The following UTS2B variants were observed in gnomAD, a reference collection of about 807,000 sequenced individuals.
UTS2B encodes urotensin 2B.
In UTS2B, 21 loss-of-function variants were observed where a neutral mutation model predicts 19.2. The ratio of observed to expected loss-of-function variants is 1.09; its 90% CI spans 0.78 to 1.58. The LOEUF (loss-of-function observed/expected upper bound fraction) is 1.58. Among genes scored for constraint, UTS2B ranks in the 40% most tolerant of loss-of-function variants. The pLI, the probability that UTS2B is intolerant of heterozygous loss-of-function variation, is 0.00. For missense variants in UTS2B, 138 were observed against 130.3 expected, an observed-to-expected ratio of 1.06 and a Z score of -0.29; for synonymous variants, 57 against 50.2, an observed-to-expected ratio of 1.14 and a Z score of -0.58.
intron 7 of UTS2B, among the ~76,000 whole-genome samples, chr3:191,275,607 G>A (rs938473629): frequency 6.6e-6 from 1 of 152,102 alleles, no homozygotes; most frequent in African/African-American, 2.4e-5. Flanking sequence ...GTGAACCCAG[G>A]AGGTGGAGAC....
the UTS2B span, among the ~76,000 whole-genome samples, chr3:191,336,591 G>C: frequency 3.3e-5 from 5 of 152,014 alleles, no homozygotes; most frequent in Non-Finnish European, 5.9e-5. Flanking sequence ...GTTTGCCCAT[G>C]TCCATGCTTT....
At chr3:191,289,834 A>G (rs1716665375) in intron 4 of UTS2B, among the ~76,000 whole-genome samples, 2 of 152,198 alleles carry the variant, frequency 1.3e-5, no homozygotes, top group Non-Finnish European at 2.9e-5. Context: ...AAGACACAAA[A>G]TATCAGTTAG....
intron 4 of UTS2B, among the ~76,000 whole-genome samples, chr3:191,301,348 A>G (rs1716993497): frequency 6.6e-6 from 1 of 152,200 alleles, no homozygotes; most frequent in Non-Finnish European, 1.5e-5. Context: ...CTTGTCTTCC[A>G]CAAGTTTCAC....
At chr3:191,314,388 T>C (rs980994066) in intron 3 of UTS2B, among the ~76,000 whole-genome samples, 1 of 152,180 alleles carries the variant, frequency 6.6e-6, no homozygotes, top group Non-Finnish European at 1.5e-5. Flanking sequence ...AGACCCTTCT[T>C]GGACTCTACT....
chr3:191,307,839 T>C (rs1217817865), intron 3 of UTS2B, among the ~76,000 whole-genome samples: 16 of 79,914 alleles, frequency 2.0e-4, no homozygotes, highest in African/African-American at 5.6e-4. Flanking sequence ...TTTCTTCTCT[T>C]TTTTTTTTTT....
intron 4 of UTS2B, among the ~76,000 whole-genome samples, chr3:191,301,911 A>G (rs1717014073): frequency 6.6e-6 from 1 of 152,186 alleles, no homozygotes; most frequent in South Asian, 2.1e-4. Flanking sequence ...GTCAATATTT[A>G]TGGAGTTTTT....
At chr3:191,303,952 A>G (rs1717068022) in intron 4 of UTS2B, among the ~76,000 whole-genome samples, 1 of 152,184 alleles carries the variant, frequency 6.6e-6, no homozygotes, top group Admixed American at 6.5e-5. Context: ...ATTGCAGAAG[A>G]AAGAATTGCC....
At chr3:191,329,782 T>C (rs1717887733) in intron 1 of UTS2B, 2 of 1,564,650 alleles carry the variant, frequency 1.3e-6, no homozygotes, top group Admixed American at 1.9e-5. Context: ...CGAGGTTCTC[T>C]CAGGTCAGGG....
chr3:191,290,854 C>A (rs1023844344), intron 4 of UTS2B, among the ~76,000 whole-genome samples: 3 of 152,176 alleles, frequency 2.0e-5, no homozygotes, highest in Admixed American at 6.5e-5. Flanking sequence ...TGTATGGTGA[C>A]TCAAACTGAT....
chr3:191,341,260 C>T, the UTS2B span, among the ~76,000 whole-genome samples: 1 of 152,098 alleles, frequency 6.6e-6, no homozygotes, highest in African/African-American at 2.4e-5. Context: ...TTAATGAGGC[C>T]AATAATAGGC....
chr3:191,342,117 T>C, the UTS2B span, among the ~76,000 whole-genome samples: 1 of 152,192 alleles, frequency 6.6e-6, no homozygotes, highest in Admixed American at 6.5e-5. Context: ...AACAGTGGAA[T>C]TGCAGAAATT....
chr3:191,306,996 C>T (rs1717157825), intron 3 of UTS2B, among the ~76,000 whole-genome samples: 1 of 152,176 alleles, frequency 6.6e-6, no homozygotes, highest in African/African-American at 2.4e-5. Flanking sequence ...CCTTCCAAAA[C>T]CTTGGTTCAC....
chr3:191,316,944 G>T (rs754995006), intron 2 of UTS2B, among the ~76,000 whole-genome samples: 1 of 152,252 alleles, frequency 6.6e-6, no homozygotes, highest in Non-Finnish European at 1.5e-5. Context: ...AGCCCAGCTG[G>T]CTTAGCCTAG....
the UTS2B span, among the ~76,000 whole-genome samples, chr3:191,338,842 T>C: frequency 6.6e-6 from 1 of 152,232 alleles, no homozygotes; most frequent in African/African-American, 2.4e-5. Flanking sequence ...ACAGTCTTAC[T>C]TGTTTAAGGA....
Position 191,282,175 on chromosome 3 carries a change from G to C in UTS2B, c.15C>G (p.Leu5=). The stretch of plus-strand genomic sequence containing the variant: ...GGAGTCCAAAGCAAACAGTGCTTGA[G>C]AGGATCTTGTTCATGTTAAAAAAAA... The part of the protein sequence containing the change: MNKI[L]SSTVCFGLLT... The change falls in exon 5 of 9, where the codon CTC becomes CTG. Residue 5 remains leucine, a synonymous_variant. Coordinates refer to ENST00000340524, the MANE Select transcript of UTS2B (RefSeq NM_198152.5). 6.2e-7 allele frequency: 1 copy of C among 1,611,448 alleles called. No homozygotes were observed. The highest frequency in any genetic ancestry group is 1.3e-5 in the African/African-American group (1 of 74,926).
chr3:191,277,433 T>C (rs1255403810), intron 6 of UTS2B, among the ~76,000 whole-genome samples: 1 of 152,110 alleles, frequency 6.6e-6, no homozygotes, highest in Non-Finnish European at 1.5e-5. Flanking sequence ...TTACTTCAGA[T>C]GTTGTATGGG....
At chr3:191,330,107 A>G (rs1717915598) in intron 1 of UTS2B, among the ~76,000 whole-genome samples, 1 of 152,046 alleles carries the variant, frequency 6.6e-6, no homozygotes, top group Admixed American at 6.5e-5. Flanking sequence ...GGAAGTGGAG[A>G]GGGGTTGACA....
intron 5 of UTS2B, among the ~76,000 whole-genome samples, chr3:191,279,798 A>G (rs1386721140): frequency 1.3e-5 from 2 of 152,130 alleles, no homozygotes; most frequent in East Asian, 3.8e-4. Context: ...ACTTTTCTCA[A>G]GGAATTTTAA....
intron 3 of UTS2B, among the ~76,000 whole-genome samples, chr3:191,306,693 G>A (rs1576928914): frequency 6.6e-6 from 1 of 152,304 alleles, no homozygotes; most frequent in Admixed American, 6.5e-5. Context: ...GAGTGCAATG[G>A]CAAGATCTTG....
Sources: allele counts gnomAD v4.1 joint callset (sites outside exome capture counted in the v4.1 genomes callset), GRCh38; gene constraint gnomAD v4.1.1; transcripts MANE v1.5; gene names NCBI Gene and HGNC (gene_info 2026-07-23, HGNC 2026-07-21).